The following SEMA5A variants were observed in gnomAD, a reference collection of about 807,000 sequenced individuals.
The protein encoded by SEMA5A is semaphorin 5A.
In SEMA5A, 55 loss-of-function variants were observed where a neutral mutation model predicts 135.5. The observed-to-expected ratio is 0.41, with a 90% confidence interval of 0.33 to 0.51. The LOEUF (loss-of-function observed/expected upper bound fraction) is 0.51, where lower values mean the gene tolerates loss of function less well. Ranked by LOEUF, SEMA5A falls within the 20% of genes least tolerant of loss-of-function variation. The pLI, the probability that SEMA5A is intolerant of heterozygous loss-of-function variation, is 0.37. For synonymous variants in SEMA5A, 580 were observed against 546.5 expected, an observed-to-expected ratio of 1.06 and a Z score of -0.85; for missense variants, 1,290 against 1,419.9, an observed-to-expected ratio of 0.91 and a Z score of 1.47.
chr5:9,352,988 A>G (rs1754194849), intron 3 of SEMA5A, among the ~76,000 whole-genome samples: 1 of 151,490 alleles, frequency 6.6e-6, no homozygotes, highest in Non-Finnish European at 1.5e-5. Context: ...TGTATTACAG[A>G]TAATTAAACA....
chr5:9,157,695 G>T (rs371801489), intron 11 of SEMA5A, among the ~76,000 whole-genome samples: 1 of 152,146 alleles, frequency 6.6e-6, no homozygotes, highest in African/African-American at 2.4e-5. Context: ...CTCTGGCAAC[G>T]GCCACCAGGA....
intron 5 of SEMA5A, among the ~76,000 whole-genome samples, chr5:9,285,559 C>G (rs1025032017): frequency 6.6e-6 from 1 of 152,220 alleles, no homozygotes; most frequent in Non-Finnish European, 1.5e-5. Context: ...AGTCAAAAGA[C>G]TCAGAACTAG....
At chr5:9,384,591 G>GATAGATAGATAGATAGATAC (rs1755764188) in intron 2 of SEMA5A, among the ~76,000 whole-genome samples, 1 of 103,554 alleles carries the variant, frequency 9.7e-6, no homozygotes, top group Non-Finnish European at 2.1e-5. Flanking sequence ...TAGATAGATA[G>GATAGATAGATAGATAGATAC]ATAGATAGAT....
At chr5:9,492,502 G>A (rs1409213994) in intron 1 of SEMA5A, among the ~76,000 whole-genome samples, 1 of 152,140 alleles carries the variant, frequency 6.6e-6, no homozygotes, top group African/African-American at 2.4e-5. Flanking sequence ...GCTGCACTCT[G>A]AGCAAGAAGT....
chr5:9,472,733 T>C (rs913316162), intron 1 of SEMA5A, among the ~76,000 whole-genome samples: 13 of 152,090 alleles, frequency 8.5e-5, no homozygotes, highest in Admixed American at 2.6e-4. Context: ...TAGAAAAATG[T>C]AATAAAAGAA....
intron 16 of SEMA5A, among the ~76,000 whole-genome samples, chr5:9,103,783 A>G (rs1014604857): frequency 6.6e-6 from 1 of 152,224 alleles, no homozygotes; most frequent in African/African-American, 2.4e-5. Context: ...TTCTATGTAT[A>G]CAACATAACA....
chr5:9,124,676 G>A (rs906440649), intron 13 of SEMA5A, among the ~76,000 whole-genome samples: 2 of 152,086 alleles, frequency 1.3e-5, no homozygotes, highest in Admixed American at 1.3e-4. Flanking sequence ...GGCTGGTCTC[G>A]AACTACTGAC....
At position 9,396,246 on chromosome 5, in the gene SEMA5A, G is replaced by GCACACACACACACACA. The variant is rs147262677; in HGVS notation, c.-77-16239_-77-16224dup. Reference sequence around the variant, plus strand: ...CTCTTTTGATTTAATGCGCGTGCGTGCACACACACACACACACACACACAC... The same window carrying GCACACACACACACACA: ...CTCTTTTGATTTAATGCGCGTGCGTGCACACACACACACACACACACACACACACACACACACACAC... On this transcript the variant is annotated intron_variant, in intron 2 of 22. Transcript: ENST00000382496. 7.2e-3 allele frequency among the ~76,000 whole-genome samples: 1,069 copies of GCACACACACACACACA among 148,924 alleles called. 4 individuals carry two copies. The highest frequency in any genetic ancestry group is 0.013 in the African/African-American group (509 of 40,232).
chr5:9,292,677 T>C (rs1751144888), intron 5 of SEMA5A, among the ~76,000 whole-genome samples: 1 of 152,164 alleles, frequency 6.6e-6, no homozygotes, highest in Non-Finnish European at 1.5e-5. Context: ...TGTTTGAAAA[T>C]ACACACTCAA....
chr5:9,307,213 A>G (rs1263187881), intron 5 of SEMA5A, among the ~76,000 whole-genome samples: 3 of 152,362 alleles, frequency 2.0e-5, no homozygotes, highest in Non-Finnish European at 4.4e-5. Flanking sequence ...CCCCCACAAC[A>G]GTAAGAATTG....
At chr5:9,541,486 T>G (rs551049796) in intron 1 of SEMA5A, among the ~76,000 whole-genome samples, 6 of 152,288 alleles carry the variant, frequency 3.9e-5, no homozygotes, top group African/African-American at 1.4e-4. Flanking sequence ...TCTAAAAAAA[T>G]TATTCTCTTT....
chr5:9,355,680 A>G (rs1356541715), intron 3 of SEMA5A, among the ~76,000 whole-genome samples: 1 of 152,192 alleles, frequency 6.6e-6, no homozygotes, highest in Non-Finnish European at 1.5e-5. Flanking sequence ...GGCTGGGCAG[A>G]AGATAAAGGT....
chr5:9,386,046 C>T (rs934297598), intron 2 of SEMA5A, among the ~76,000 whole-genome samples: 45 of 151,982 alleles, frequency 3.0e-4, no homozygotes, highest in African/African-American at 1.0e-3. Flanking sequence ...GTGATCTGCC[C>T]ACCTCAGCCT....
intron 8 of SEMA5A, among the ~76,000 whole-genome samples, chr5:9,214,025 C>A (rs943483865): frequency 1.3e-5 from 2 of 152,056 alleles, no homozygotes; most frequent in African/African-American, 2.4e-5. Flanking sequence ...AACAGACCCA[C>A]CAGAGACTGG....
chr5:9,303,929 C>T (rs1205230220), intron 5 of SEMA5A, among the ~76,000 whole-genome samples: 1 of 152,102 alleles, frequency 6.6e-6, no homozygotes, highest in Admixed American at 6.6e-5. Flanking sequence ...AGCATTTCTC[C>T]AGCAAAATAT....
chr5:9,348,298 G>T (rs1408612475), intron 3 of SEMA5A, among the ~76,000 whole-genome samples: 1 of 152,196 alleles, frequency 6.6e-6, no homozygotes, highest in South Asian at 2.1e-4. Context: ...GGGTTTTATT[G>T]CTAGATAACT....
intron 16 of SEMA5A, among the ~76,000 whole-genome samples, chr5:9,075,989 G>A (rs557698205): frequency 6.6e-6 from 1 of 152,040 alleles, no homozygotes; most frequent in South Asian, 2.1e-4. Flanking sequence ...GTTGCATCAT[G>A]AGGTCAAGAG....
chr5:9,190,783 C>T (rs1745067508), intron 10 of SEMA5A, among the ~76,000 whole-genome samples: 1 of 152,160 alleles, frequency 6.6e-6, no homozygotes, highest in Non-Finnish European at 1.5e-5. Context: ...CCTCCTTTCC[C>T]GTCGAGTTAC....
At chr5:9,236,657 T>C (rs1002514987) in intron 6 of SEMA5A, among the ~76,000 whole-genome samples, 5 of 152,210 alleles carry the variant, frequency 3.3e-5, no homozygotes, top group Admixed American at 2.6e-4. Flanking sequence ...TTAAATCTCC[T>C]TATATCTCTG....
Sources: gnomAD v4.1 joint callset for allele counts (sites outside exome capture counted in the v4.1 genomes callset) on GRCh38, gnomAD v4.1.1 for gene constraint, MANE v1.5 for transcripts, NCBI Gene and HGNC (gene_info 2026-07-23, HGNC 2026-07-21) for gene names.